FILIP1: variants seen among roughly 807,000 people sequenced by gnomAD.
FILIP1 encodes filamin A interacting protein 1, also known as filamin-A-interacting protein 1.
Under a neutral mutation model 102.1 loss-of-function variants are expected in FILIP1, and 61 were observed. That is an observed-to-expected ratio of 0.60 (90% CI 0.49 to 0.74). FILIP1 has a LOEUF of 0.74. Among genes scored for constraint, FILIP1 ranks in the 30% least tolerant of loss-of-function variants. The probability of loss-of-function intolerance (pLI) is 0.00; values close to 1 mark genes in which losing one functional copy is unlikely to be tolerated. For missense variants in FILIP1, 1,314 were observed against 1,441.2 expected, an observed-to-expected ratio of 0.91 and a Z score of 1.43; for synonymous variants, 491 against 526.9, an observed-to-expected ratio of 0.93 and a Z score of 0.93.
At chr6:75,351,076 T>G (rs984827948) in intron 4 of FILIP1, among the ~76,000 whole-genome samples, 5 of 152,200 alleles carry the variant, frequency 3.3e-5, no homozygotes, top group Non-Finnish European at 7.3e-5. Flanking sequence ...GAGTACTTTT[T>G]TTTTTTGGAG....
chr6:75,327,973 A>G (rs1773930918), intron 4 of FILIP1, among the ~76,000 whole-genome samples: 1 of 152,204 alleles, frequency 6.6e-6, no homozygotes, highest in Non-Finnish European at 1.5e-5. Flanking sequence ...AAGGAAAGAT[A>G]GGAGCAAGGA....
downstream of FILIP1, among the ~76,000 whole-genome samples, chr6:75,305,373 T>C (rs575192240): frequency 1.3e-5 from 2 of 152,356 alleles, no homozygotes; most frequent in African/African-American, 4.8e-5. Context: ...AGACTTGTTT[T>C]CATGTCTCCG....
At position 75,372,404 on chromosome 6, in the gene FILIP1, T is replaced by C. The variant is rs138996068; in HGVS notation, c.277-9487A>G. ...AAAAAAAGGAATTAATATCCATATC[T>C]AGAATATTGAAGAACTCTTATGGCA... On this transcript the variant is annotated intron_variant, in intron 2 of 5. Transcript: ENST00000237172. 6.5e-3 allele frequency among the ~76,000 whole-genome samples: 960 copies of C among 147,470 alleles called. 10 individuals carry two copies. Among genetic ancestry groups the C allele is most frequent in the African/African-American group, 0.023 (925 of 39,954 alleles).
At chr6:75,402,579 A>G (rs1175311684) in intron 2 of FILIP1, among the ~76,000 whole-genome samples, 1 of 152,188 alleles carries the variant, frequency 6.6e-6, no homozygotes, top group Non-Finnish European at 1.5e-5. Context: ...AGGCCTTCCC[A>G]TGTGACAAAT....
chr6:75,364,861 T>G (rs1045456336), intron 2 of FILIP1, among the ~76,000 whole-genome samples: 1 of 152,338 alleles, frequency 6.6e-6, no homozygotes, highest in African/African-American at 2.4e-5. Flanking sequence ...TAAAAAGGTG[T>G]CATCACCTTT....
chr6:75,457,409 CCTT>C lies in FILIP1; in HGVS notation c.-7+36002_-7+36004del, dbSNP rs376973947. On this transcript the variant is annotated intron_variant, in intron 1 of 5. Coordinates refer to ENST00000237172, the MANE Select transcript of FILIP1 (RefSeq NM_015687.5). ...GGAGGAGTGAACTACCTGTGGCAAA[CCTT>C]CTTTCTGTTATGACTGATGTGGGGT... Among the ~76,000 whole-genome samples the C allele has an allele frequency of 4.3e-3, 650 of 152,274 alleles. 2 individuals are homozygous for C. The highest frequency in any genetic ancestry group is 7.2e-3 in the Non-Finnish European group (490 of 68,026).
At chr6:75,450,693 T>A (rs1250644509) in intron 1 of FILIP1, among the ~76,000 whole-genome samples, 3 of 147,954 alleles carry the variant, frequency 2.0e-5, no homozygotes, top group African/African-American at 7.5e-5. Flanking sequence ...CGGTGGCTCA[T>A]GCCTGTAATC....
At chr6:75,451,209 T>C (rs111490582) in intron 1 of FILIP1, among the ~76,000 whole-genome samples, 22 of 149,706 alleles carry the variant, frequency 1.5e-4, no homozygotes, top group African/African-American at 5.4e-4. Flanking sequence ...AATTATAAAA[T>C]AGAAACATTA....
At chr6:75,483,818 C>CA (rs1237156916) in intron 1 of FILIP1, among the ~76,000 whole-genome samples, 1 of 152,140 alleles carries the variant, frequency 6.6e-6, no homozygotes, top group Non-Finnish European at 1.5e-5. Flanking sequence ...TAAGAGCTTA[C>CA]ACGCACAGGC....
At chr6:75,416,835 C>T (rs1439516437) in intron 1 of FILIP1, among the ~76,000 whole-genome samples, 1 of 151,896 alleles carries the variant, frequency 6.6e-6, no homozygotes, top group Non-Finnish European at 1.5e-5. Flanking sequence ...AACAGAAATC[C>T]CAGACAATAG....
chr6:75,484,666 C>T (rs1779734878), intron 1 of FILIP1, among the ~76,000 whole-genome samples: 2 of 152,096 alleles, frequency 1.3e-5, no homozygotes, highest in African/African-American at 4.8e-5. Context: ...GTGTTGAGAG[C>T]CACAGTACTA....
At position 75,362,651 on chromosome 6, in the gene FILIP1, T is replaced by TC. The variant is rs1775205045; in HGVS notation, c.450+92_450+93insG. 5 of 1,331,000 alleles carry TC rather than the reference T, an allele frequency of 3.8e-6. No homozygotes were observed. The East Asian group carries it at 1.2e-4, about 31-fold the overall frequency. 82.4% of individuals were successfully genotyped at this position (1,331,000 alleles called of 1,614,324 possible). On this transcript the variant is annotated intron_variant, in intron 3 of 5. Transcript: ENST00000237172. ...TTAGTGTATCATCAAAATTTTGCCTTTGAAAGAAAATGTTAAAGCATGTAA... is the reference window on the plus strand; with the variant it reads ...TTAGTGTATCATCAAAATTTTGCCTTCTGAAAGAAAATGTTAAAGCATGTAA...
chr6:75,450,346 A>C (rs573222081), intron 1 of FILIP1, among the ~76,000 whole-genome samples: 4 of 152,212 alleles, frequency 2.6e-5, no homozygotes, highest in South Asian at 4.2e-4. Context: ...AATACCAATA[A>C]ATTATTTTAG....
chr6:75,455,375 G>C (rs1485531930), intron 1 of FILIP1: 2 of 151,862 alleles, frequency 1.3e-5, no homozygotes, highest in African/African-American at 4.8e-5. Flanking sequence ...AAATAAAATT[G>C]TGAGAGTTTT....
chr6:75,351,033 C>T (rs1422415087), intron 4 of FILIP1, among the ~76,000 whole-genome samples: 1 of 152,014 alleles, frequency 6.6e-6, no homozygotes, highest in Non-Finnish European at 1.5e-5. Context: ...GGTGGTGTGC[C>T]TGAGGCAGCA....
At chr6:75,333,480 A>G (rs1459684812) in intron 4 of FILIP1, among the ~76,000 whole-genome samples, 1 of 152,194 alleles carries the variant, frequency 6.6e-6, no homozygotes, top group East Asian at 1.9e-4. Flanking sequence ...ACAGAAGTTC[A>G]TCCAGTCACA....
chr6:75,358,974 C>T (rs758493149), intron 3 of FILIP1, among the ~76,000 whole-genome samples: 4 of 150,530 alleles, frequency 2.7e-5, no homozygotes, highest in Non-Finnish European at 5.9e-5. Context: ...TGACAAAGTG[C>T]TGGGATTACA....
At chr6:75,362,645 T>C (rs752772511) in intron 3 of FILIP1, 99 bp downstream of exon 3, 123 of 1,150,506 alleles carry the variant, frequency 1.1e-4, no homozygotes, top group Non-Finnish European at 1.4e-4. Flanking sequence ...CATCAAAATT[T>C]TGCCTTTGAA....
intron 2 of FILIP1, among the ~76,000 whole-genome samples, chr6:75,388,184 G>C (rs1419640917): frequency 6.6e-6 from 1 of 152,142 alleles, no homozygotes. Context: ...TCAAAGATCA[G>C]GTGGTTGTAG....
Sources: gnomAD v4.1 joint callset for allele counts (sites outside exome capture counted in the v4.1 genomes callset) on GRCh38, gnomAD v4.1.1 for gene constraint, MANE v1.5 for transcripts, NCBI Gene and HGNC (gene_info 2026-07-23, HGNC 2026-07-21) for gene names.